PHF8: variants seen among roughly 807,000 people sequenced by gnomAD.
PHF8 encodes the protein histone lysine demethylase PHF8.
PHF8 carries 9 observed loss-of-function variants against 74.4 expected under a neutral mutation model. The ratio of observed to expected loss-of-function variants is 0.12; its 90% CI spans 0.07 to 0.21. The LOEUF is 0.21. Ranked by LOEUF, PHF8 falls within the 10% of genes least tolerant of loss-of-function variation. PHF8 has a pLI of 1.00. For synonymous variants in PHF8, 311 were observed against 316.6 expected (o/e 0.98, Z 0.19); for missense variants, 478 against 816.6 (o/e 0.59, Z 5.05).
At chrX:53,985,740 C>T in intron 17 of PHF8, 76 bp downstream of exon 17, 1 of 1,204,969 alleles carries the variant, frequency 8.3e-7, no homozygotes, top group South Asian at 1.8e-5. Context: ...TACTGATTGG[C>T]TGACCTGGCA....
intron 18 of PHF8, among the ~76,000 whole-genome samples, chrX:53,966,423 T>C (rs898035891): frequency 4.4e-5 from 5 of 112,667 alleles, no homozygotes; most frequent in Middle Eastern, 4.2e-3. Context: ...TGGTGGAGAC[T>C]GGGTTTCGCT....
At chrX:53,988,796 A>G (rs991018612) in intron 14 of PHF8, among the ~76,000 whole-genome samples, 12 of 108,271 alleles carry the variant, frequency 1.1e-4, no homozygotes, top group Non-Finnish European at 1.5e-4. Flanking sequence ...TTGAAATTTC[A>G]TAAGAGAGTA....
intron 2 of PHF8, among the ~76,000 whole-genome samples, chrX:54,027,166 C>CT (rs1232848343): frequency 8.1e-5 from 9 of 111,059 alleles, no homozygotes; most frequent in African/African-American, 3.0e-4. Context: ...TTCAATCTCT[C>CT]TCTTTCTCTT....
At chrX:53,956,301 T>G (rs2065012093) in intron 19 of PHF8, among the ~76,000 whole-genome samples, 1 of 111,227 alleles carries the variant, frequency 9.0e-6, no homozygotes, top group East Asian at 2.8e-4. Flanking sequence ...AGTGAATAAG[T>G]GAAATACCAG....
intron 18 of PHF8, among the ~76,000 whole-genome samples, 193 bp from the exon 19 acceptor site, chrX:53,963,132 T>TTC (rs1432887632): frequency 8.9e-6 from 1 of 112,170 alleles, no homozygotes; most frequent in African/African-American, 3.2e-5. Flanking sequence ...GCAAATGTCC[T>TTC]TCTCCTAGAT....
chrX:54,025,657 C>G (rs2066255143), intron 2 of PHF8, among the ~76,000 whole-genome samples: 1 of 111,266 alleles, frequency 9.0e-6, no homozygotes, highest in South Asian at 3.8e-4. Flanking sequence ...CCTCTACTCC[C>G]ATTTCAGCTA....
chrX:54,043,591 TCA>T (rs1394446896), intron 1 of PHF8, among the ~76,000 whole-genome samples, 169 bp downstream of exon 1: 1 of 111,337 alleles, frequency 9.0e-6, no homozygotes. Context: ...TAGAATTTCC[TCA>T]CACTCCCGAA....
chrX:53,969,479 A>C (rs1033452538), intron 18 of PHF8, among the ~76,000 whole-genome samples: 9 of 112,120 alleles, frequency 8.0e-5, no homozygotes, highest in Middle Eastern at 4.6e-3. Flanking sequence ...GGGGACACAC[A>C]AAAAATGGAA....
intron 8 of PHF8, among the ~76,000 whole-genome samples, chrX:54,005,094 G>A (rs1056082837): frequency 2.7e-5 from 3 of 110,964 alleles, no homozygotes; most frequent in African/African-American, 6.5e-5. Flanking sequence ...AAGGACTTGC[G>A]GGACTAAGAC....
At chrX:53,990,678 G>A (rs1557101127) in intron 14 of PHF8, among the ~76,000 whole-genome samples, 1 of 111,309 alleles carries the variant, frequency 9.0e-6, no homozygotes, top group African/African-American at 3.3e-5. Context: ...CACCCAGATG[G>A]GCCCAGATGG....
chrX:54,010,766 A>G (rs969986134), intron 8 of PHF8, among the ~76,000 whole-genome samples: 5 of 111,035 alleles, frequency 4.5e-5, no homozygotes, highest in Non-Finnish European at 9.4e-5. Context: ...CTGTTTAGGG[A>G]AAAAAAGCAC....
chrX:53,960,317 C>T (rs1237376272), intron 19 of PHF8, among the ~76,000 whole-genome samples: 4 of 107,982 alleles, frequency 3.7e-5, no homozygotes, highest in Non-Finnish European at 5.8e-5. Flanking sequence ...CCTTGTGATC[C>T]ACCCGCCTCG....
chrX:54,018,080 C>A (rs2066102303), intron 4 of PHF8, among the ~76,000 whole-genome samples: 1 of 111,516 alleles, frequency 9.0e-6, no homozygotes, highest in South Asian at 3.7e-4. Context: ...AACAGCCTGG[C>A]CAGAAAGAAA....
intron 18 of PHF8, among the ~76,000 whole-genome samples, chrX:53,966,212 C>T (rs1448954162): frequency 9.0e-6 from 1 of 110,863 alleles, no homozygotes; most frequent in Non-Finnish European, 1.9e-5. Flanking sequence ...TCTCCCTCTC[C>T]CTCTCCCTCC....
chrX:53,943,307 T>A lies in PHF8; in HGVS notation c.2649+827A>T, dbSNP rs188386419. ...GCATTTATTTAAATAGAAAGTAATA[T>A]GAAATTTGAAGTTAGAGGATATGAG... On this transcript the variant is annotated intron_variant, in intron 20 of 21. Transcript: ENST00000338154. 1.4e-4 allele frequency: 124 copies of A among 903,902 alleles called. No homozygotes were observed. The East Asian group carries it at 4.2e-3, about 31-fold the overall frequency. 74.5% of individuals were successfully genotyped at this position (903,902 alleles called of 1,213,427 possible). A position where few individuals can be genotyped will look rare whatever the true frequency, so the allele number is the denominator to read the frequency against.
chrX:53,946,449 A>G (rs2064833393), intron 19 of PHF8, among the ~76,000 whole-genome samples: 1 of 112,521 alleles, frequency 8.9e-6, no homozygotes. Context: ...ACAGAAAAAC[A>G]AATGACACCA....
intron 4 of PHF8, among the ~76,000 whole-genome samples, chrX:54,020,043 G>A (rs1050088102): frequency 2.5e-4 from 28 of 109,806 alleles, no homozygotes; most frequent in South Asian, 7.8e-4. Context: ...AAAATTAGCC[G>A]GGCGTGGTGG....
intron 2 of PHF8, among the ~76,000 whole-genome samples, chrX:54,029,787 T>C (rs2066324286): frequency 1.8e-5 from 2 of 111,968 alleles, no homozygotes; most frequent in Admixed American, 1.9e-4. Flanking sequence ...GAACCACATA[T>C]GAGCCAAGAC....
chrX:54,002,513 A>G, intron 9 of PHF8, 82 bp downstream of exon 9: 1 of 643,849 alleles, frequency 1.6e-6, no homozygotes, highest in South Asian at 2.3e-5. Context: ...CTTTCTGGCC[A>G]TGTCCCCTCC....
Sources: allele counts gnomAD v4.1 joint callset (sites outside exome capture counted in the v4.1 genomes callset), GRCh38; gene constraint gnomAD v4.1.1; transcripts MANE v1.5; gene names NCBI Gene and HGNC (gene_info 2026-07-23, HGNC 2026-07-21).